CYP4F8: variants seen among roughly 807,000 people sequenced by gnomAD.
CYP4F8 encodes cytochrome P450 4F8.
In CYP4F8, 56 loss-of-function variants were observed where a neutral mutation model predicts 55.0. The observed-to-expected ratio is 1.02, with a 90% CI of 0.82 to 1.27. The LOEUF (loss-of-function observed/expected upper bound fraction) is 1.27. Among genes scored for constraint, CYP4F8 ranks in the 50% most tolerant of loss-of-function variants. The pLI is 0.00. For missense variants in CYP4F8, 680 were observed against 682.4 expected (o/e 1.00, Z 0.04); for synonymous variants, 288 against 267.3 (o/e 1.08, Z -0.76).
At chr19:15,619,214 G>T in intron 3 of CYP4F8, 1 of 417,958 alleles carries the variant, frequency 2.4e-6, no homozygotes, top group Non-Finnish European at 4.3e-6. Context: ...ATGCTTGGGT[G>T]TTGCAGAACA....
chr19:15,627,456 AG>A (rs1221544914), intron 9 of CYP4F8: 6 of 149,290 alleles, frequency 4.0e-5, no homozygotes, highest in Admixed American at 6.7e-5. Flanking sequence ...CCTGGGTGAC[AG>A]AGTGAGAATC....
intron 9 of CYP4F8, 56 bp downstream of exon 9, chr19:15,624,150 G>C: frequency 6.3e-7 from 1 of 1,592,948 alleles, no homozygotes; most frequent in Non-Finnish European, 8.6e-7. Flanking sequence ...CTTCTCGTTG[G>C]TTCTTCTCCC....
Position 15,629,236 on chromosome 19 carries a change from G to T in CYP4F8, c.1441G>T (p.Val481Phe). The change falls in exon 13 of 13, where the codon GTC becomes TTC. Residue 481 changes from valine (V) to phenylalanine (F), a missense_variant. Coordinates refer to ENST00000612078, the MANE Select transcript of CYP4F8 (RefSeq NM_007253.4). ...GTTCGCGATGGCAGAGATGAAGGTG[G>T]TCCTGGCGCTCACGCTGCTGCGCTT... ...QKFAMAEMKV[V>F]LALTLLRFRI... The T allele has an allele frequency of 1.2e-6, 2 of 1,613,102 alleles. No individual in the cohort carries two copies. The highest frequency in any genetic ancestry group is 2.2e-5 in the East Asian group (1 of 44,844).
At chr19:15,617,174 C>CTG (rs1568381326) in intron 2 of CYP4F8, among the ~76,000 whole-genome samples, 2 of 152,204 alleles carry the variant, frequency 1.3e-5, no homozygotes, top group Admixed American at 6.5e-5. Context: ...CCCCACGTGA[C>CTG]TTTCCGTGGG....
At chr19:15,617,923 T>A (rs2144601398) in intron 2 of CYP4F8, 77 bp from the exon 3 acceptor site, 1 of 1,521,550 alleles carries the variant, frequency 6.6e-7, no homozygotes, top group Admixed American at 2.0e-5. Flanking sequence ...CCAGAAATAA[T>A]GTTTGACTGG....
intron 2 of CYP4F8, among the ~76,000 whole-genome samples, chr19:15,617,039 A>T (rs1599856071): frequency 6.6e-6 from 1 of 152,122 alleles, no homozygotes; most frequent in Admixed American, 6.5e-5. Context: ...CCGTGTACAG[A>T]CCTTCTCCAT....
chr19:15,624,398 C>T (rs757448892), intron 9 of CYP4F8, among the ~76,000 whole-genome samples: 2 of 152,180 alleles, frequency 1.3e-5, no homozygotes, highest in Non-Finnish European at 2.9e-5. Context: ...ATTGCTGTCC[C>T]ACAGGGCTGC....
chr19:15,622,272 G>A lies in CYP4F8; in HGVS notation c.579G>A (p.Glu193=), dbSNP rs1367444282. The A allele has an allele frequency of 2.5e-6, 4 of 1,613,402 alleles. No individual in the cohort carries two copies. The highest frequency in any genetic ancestry group is 1.1e-5 in the South Asian group (1 of 91,042). The change falls in exon 6 of 13, where the codon GAG becomes GAA. Residue 193 remains glutamate (E), a synonymous_variant. Transcript: ENST00000612078. ...MEGSTCLDVF[E]HISLMTLDSL... ...GCAGCACCTGTCTGGATGTGTTTGA[G>A]CACATCAGCCTTATGACCCTGGACA...
intron 9 of CYP4F8, among the ~76,000 whole-genome samples, chr19:15,624,585 C>A (rs184547527): frequency 3.7e-4 from 56 of 152,298 alleles, no homozygotes; most frequent in Non-Finnish European, 6.8e-4. Flanking sequence ...CTTTGTAGAG[C>A]AGATTCCTAG....
chr19:15,627,031 C>T (rs1415044944), intron 9 of CYP4F8: 1 of 152,192 alleles, frequency 6.6e-6, no homozygotes, highest in Non-Finnish European at 1.5e-5. Flanking sequence ...ATTCTGAGCT[C>T]TCTACTCTGT....
At chr19:15,629,079 C>T (rs777058798) in intron 12 of CYP4F8, 114 bp from the exon 13 acceptor site, 23 of 1,416,426 alleles carry the variant, frequency 1.6e-5, no homozygotes, top group Non-Finnish European at 1.5e-5. Flanking sequence ...CAGCTTCCCC[C>T]CTGTCTGCCC....
Position 15,624,105 on chromosome 19 carries a change from G to A in CYP4F8, c.1115+11G>A. The A allele has an allele frequency of 6.2e-7, 1 of 1,611,964 alleles. No homozygotes were observed. Among genetic ancestry groups the A allele is most frequent in the Non-Finnish European group, 8.5e-7 (1 of 1,178,372 alleles). The stretch of plus-strand genomic sequence containing the variant: ...TAAAGAGATTGAATGGTGAGTGCAG[G>A]TGCTGGTGGCTCTGCCTTTCTGCCT... On this transcript the variant is annotated intron_variant, in intron 9 of 12. Transcript: ENST00000612078.
intron 9 of CYP4F8, among the ~76,000 whole-genome samples, chr19:15,626,705 CT>C (rs1336675360): frequency 6.6e-6 from 1 of 152,110 alleles, no homozygotes; most frequent in Non-Finnish European, 1.5e-5. Flanking sequence ...TCCACTGTAT[CT>C]TTTACTGCAC....
At chr19:15,628,970 A>G in intron 12 of CYP4F8, 127 bp downstream of exon 12, 2 of 1,286,936 alleles carry the variant, frequency 1.6e-6, no homozygotes, top group Non-Finnish European at 2.1e-6. Flanking sequence ...CCTAGGAAAA[A>G]GGGTGTGCTC....
At chr19:15,620,474 C>T (rs909842840) in intron 5 of CYP4F8, among the ~76,000 whole-genome samples, 1 of 152,158 alleles carries the variant, frequency 6.6e-6, no homozygotes, top group Non-Finnish European at 1.5e-5. Context: ...TCTTGGCTCT[C>T]TGCAACCCCC....
chr19:15,622,781 A>C (rs1453374201), intron 6 of CYP4F8: 2 of 436,748 alleles, frequency 4.6e-6, no homozygotes, highest in Non-Finnish European at 8.5e-6. Context: ...ATTGACTGTC[A>C]TGTAGACACA....
chr19:15,628,955 A>G (rs1231403781), intron 12 of CYP4F8, 112 bp downstream of exon 12: 1 of 1,342,976 alleles, frequency 7.4e-7, no homozygotes, highest in Non-Finnish European at 1.0e-6. Flanking sequence ...GGTTTTAAAG[A>G]AGATCCTAGG....
chr19:15,626,248 T>G (rs1599862941), intron 9 of CYP4F8, among the ~76,000 whole-genome samples: 1 of 152,242 alleles, frequency 6.6e-6, no homozygotes, highest in African/African-American at 2.4e-5. Context: ...ACCAGCTTGC[T>G]GGGCTGTAAA....
rs1180486087 is a variant in CYP4F8 at position 15,622,332 on chromosome 19, T to C, written c.639T>C (p.Asn213=). 6.2e-7 allele frequency: 1 copy of C among 1,608,278 alleles called. No individual in the cohort carries two copies. The highest frequency in any genetic ancestry group is 8.5e-7 in the Non-Finnish European group (1 of 1,177,370). The change falls in exon 6 of 13, where the codon AAT becomes AAC. Residue 213 remains asparagine (N), a synonymous_variant. Coordinates refer to ENST00000612078, the MANE Select transcript of CYP4F8 (RefSeq NM_007253.4). ...LQKCIFSFDS[N]CQEKPSEYIT... is the part of the protein sequence containing the mutation. ...AATGCATCTTCAGCTTTGACAGCAA[T>C]TGTCAGGAGTGAGTTCTTGCCCAGG...
Sources: gnomAD v4.1 joint callset for allele counts (sites outside exome capture counted in the v4.1 genomes callset) on GRCh38, gnomAD v4.1.1 for gene constraint, MANE v1.5 for transcripts, NCBI Gene and HGNC (gene_info 2026-07-23, HGNC 2026-07-21) for gene names.